The following INSL6 variants were observed in gnomAD, a reference collection of about 807,000 sequenced individuals.
INSL6 encodes insulin-like peptide INSL6.
Under a neutral mutation model 9.4 loss-of-function variants are expected in INSL6, and 16 were observed. The ratio of observed to expected loss-of-function variants is 1.70; its 90% CI spans 1.15 to 2.59. The LOEUF is 2.59. Ranked by LOEUF, INSL6 falls within the 30% of genes most tolerant of loss-of-function variation. INSL6 has a pLI of 0.00. For missense variants in INSL6, 391 were observed against 257.3 expected (o/e 1.52, Z -3.56); for synonymous variants, 154 against 96.9 (o/e 1.59, Z -3.46).
At chr9:5,043,047 CG>C in the INSL6 span, among the ~76,000 whole-genome samples, 1 of 152,184 alleles carries the variant, frequency 6.6e-6, no homozygotes, top group East Asian at 1.9e-4. Context: ...TGGAGGCGCG[CG>C]GGCTCGTGGC....
At chr9:5,064,956 C>T in the INSL6 span, 7 of 1,606,102 alleles carry the variant, frequency 4.4e-6, no homozygotes, top group Non-Finnish European at 6.0e-6. Flanking sequence ...AGATTAACTG[C>T]AGATGCACAT....
chr9:5,161,873 AG>A (rs1170983954), downstream of INSL6, among the ~76,000 whole-genome samples: 1 of 152,072 alleles, frequency 6.6e-6, no homozygotes. Flanking sequence ...TGAGGCCAGG[AG>A]CCCGGAGACC....
At chr9:5,009,583 T>C in the INSL6 span, among the ~76,000 whole-genome samples, 1 of 152,190 alleles carries the variant, frequency 6.6e-6, no homozygotes, top group South Asian at 2.1e-4. Flanking sequence ...CATTATCTGT[T>C]TCTTCTGGGG....
chr9:5,058,998 T>G, the INSL6 span, among the ~76,000 whole-genome samples: 2 of 152,216 alleles, frequency 1.3e-5, no homozygotes, highest in Non-Finnish European at 2.9e-5. Flanking sequence ...ACTATGTTGC[T>G]TGTGTCCTTT....
the INSL6 span, among the ~76,000 whole-genome samples, chr9:5,052,320 C>T: frequency 1.2e-3 from 175 of 152,158 alleles, 1 homozygote; most frequent in Admixed American, 2.5e-3. Context: ...TGTCCTAAAC[C>T]TAATGACTAT....
At chr9:5,022,875 G>A in the INSL6 span, among the ~76,000 whole-genome samples, 32 of 152,232 alleles carry the variant, frequency 2.1e-4, no homozygotes, top group East Asian at 6.0e-3. Context: ...TTGAAGAATA[G>A]TCGTATGATT....
the INSL6 span, chr9:5,064,939 A>G: frequency 6.2e-7 from 1 of 1,604,448 alleles, no homozygotes; most frequent in Non-Finnish European, 8.5e-7. Context: ...TAATTGATGG[A>G]TATTATAGAT....
the INSL6 span, chr9:5,100,185 G>C: frequency 6.6e-6 from 1 of 152,052 alleles, no homozygotes; most frequent in African/African-American, 2.4e-5. Flanking sequence ...ACCTTATTCA[G>C]GCTTATGTCT....
chr9:5,086,550 T>TCA, the INSL6 span, among the ~76,000 whole-genome samples: 1 of 152,172 alleles, frequency 6.6e-6, no homozygotes, highest in Non-Finnish European at 1.5e-5. Context: ...TGTTTTCTCA[T>TCA]CACCTTACCT....
At chr9:5,033,431 A>G in the INSL6 span, among the ~76,000 whole-genome samples, 1 of 152,190 alleles carries the variant, frequency 6.6e-6, no homozygotes, top group African/African-American at 2.4e-5. Context: ...TCCAACACAC[A>G]TAATTGTCAG....
chr9:5,043,075 C>T, the INSL6 span, among the ~76,000 whole-genome samples: 5 of 152,206 alleles, frequency 3.3e-5, no homozygotes, highest in Non-Finnish European at 7.3e-5. Context: ...TCTCTGTGCT[C>T]CGCCCCCTGG....
At chr9:5,092,890 A>G in the INSL6 span, among the ~76,000 whole-genome samples, 1 of 152,296 alleles carries the variant, frequency 6.6e-6, no homozygotes, top group Admixed American at 6.5e-5. Flanking sequence ...CTGTTAATCT[A>G]AAGAGGGACA....
chr9:5,123,645 C>G (rs959069235), downstream of INSL6, among the ~76,000 whole-genome samples: 8 of 151,830 alleles, frequency 5.3e-5, no homozygotes, highest in African/African-American at 1.9e-4. Flanking sequence ...ACAGTGATTT[C>G]TTGTCCTTTA....
At chr9:5,157,684 C>T (rs1824841559) in intron 2 of INSL6, among the ~76,000 whole-genome samples, 1 of 152,158 alleles carries the variant, frequency 6.6e-6, no homozygotes, top group Non-Finnish European at 1.5e-5. Context: ...GTGAAACACC[C>T]AAGTTCCTTC....
the INSL6 span, among the ~76,000 whole-genome samples, chr9:5,018,958 C>G: frequency 1.3e-5 from 2 of 152,096 alleles, no homozygotes; most frequent in Admixed American, 1.3e-4. Context: ...TTGTCTTTGA[C>G]AAGCTGTTGT....
the INSL6 span, among the ~76,000 whole-genome samples, chr9:5,056,438 T>C: frequency 4.5e-4 from 68 of 152,206 alleles, no homozygotes; most frequent in African/African-American, 1.6e-3. Flanking sequence ...TTAATGTTAT[T>C]TGTCTATTTA....
the INSL6 span, among the ~76,000 whole-genome samples, chr9:5,091,864 C>G: frequency 6.6e-6 from 1 of 152,118 alleles, no homozygotes; most frequent in Non-Finnish European, 1.5e-5. Flanking sequence ...TGAAATTAAG[C>G]TCTATTGCTA....
chr9:5,038,414 C>T, the INSL6 span, among the ~76,000 whole-genome samples: 2 of 152,102 alleles, frequency 1.3e-5, no homozygotes, highest in African/African-American at 4.8e-5. Context: ...TTTCTGAGCT[C>T]TTTCTGTGAG....
At chr9:5,060,523 A>C in the INSL6 span, among the ~76,000 whole-genome samples, 69 of 152,346 alleles carry the variant, frequency 4.5e-4, no homozygotes, top group African/African-American at 1.6e-3. Flanking sequence ...CATCTCAAGA[A>C]ACCATTTTTT....
Sources: gnomAD v4.1 joint callset for allele counts (sites outside exome capture counted in the v4.1 genomes callset) on GRCh38, gnomAD v4.1.1 for gene constraint, MANE v1.5 for transcripts, NCBI Gene and HGNC (gene_info 2026-07-23, HGNC 2026-07-21) for gene names.